Variants in N4BP2 observed in about 807,000 individuals in gnomAD.
The protein encoded by N4BP2 is NEDD4 binding protein 2, also known as NEDD4-binding protein 2.
In N4BP2, 91 loss-of-function variants were observed where a neutral mutation model predicts 152.8. That is an observed-to-expected ratio of 0.60 (90% confidence interval 0.50 to 0.71). The LOEUF is 0.71. Among genes scored for constraint, N4BP2 ranks in the 30% least tolerant of loss-of-function variants. N4BP2 has a pLI of 0.00. For missense variants in N4BP2, 1,923 were observed against 2,059.1 expected (o/e 0.93, Z 1.28); for synonymous variants, 646 against 705.3 (o/e 0.92, Z 1.33).
chr4:40,182,177 A>G, the N4BP2 span, among the ~76,000 whole-genome samples: 1 of 152,236 alleles, frequency 6.6e-6, no homozygotes, highest in African/African-American at 2.4e-5. Flanking sequence ...AGTCTCTAAC[A>G]CAACTAACAG....
chr4:40,188,381 T>C, the N4BP2 span, among the ~76,000 whole-genome samples: 1 of 152,164 alleles, frequency 6.6e-6, no homozygotes, highest in African/African-American at 2.4e-5. Context: ...GTTTCCTCCT[T>C]TGCAAATGGA....
chr4:40,165,851 C>G, the N4BP2 span, among the ~76,000 whole-genome samples: 6 of 152,158 alleles, frequency 3.9e-5, no homozygotes, highest in African/African-American at 1.4e-4. Context: ...CATATTCTTT[C>G]TGTCTTCCAT....
chr4:40,108,901 C>T (rs1264179037), intron 5 of N4BP2, among the ~76,000 whole-genome samples: 2 of 151,060 alleles, frequency 1.3e-5, no homozygotes, highest in Admixed American at 6.6e-5. Context: ...ACTGCAATGT[C>T]TGCCTCCCGG....
intron 7 of N4BP2, among the ~76,000 whole-genome samples, chr4:40,114,534 C>T (rs1349807903): frequency 2.0e-5 from 3 of 152,158 alleles, no homozygotes; most frequent in Non-Finnish European, 2.9e-5. Context: ...TAAGGCTCAT[C>T]CATGTTGTAG....
At chr4:40,081,465 G>C (rs1713361043) in intron 2 of N4BP2, among the ~76,000 whole-genome samples, 1 of 151,984 alleles carries the variant, frequency 6.6e-6, no homozygotes, top group African/African-American at 2.4e-5. Context: ...GACCAACATG[G>C]TAAAACCCTG....
At position 40,106,934 on chromosome 4, in the gene N4BP2, C is replaced by T. The variant is rs1378054915; in HGVS notation, c.1408C>T (p.Leu470Phe). ...AGAGGATAATCCAAGTGGAGTCATT[C>T]TTAGTACTGATGATTATTTTTATAT... ...LQEDNPSGVI[L>F]STDDYFYING... is the part of the protein sequence containing the mutation. Residue 470 changes from leucine to phenylalanine, a missense_variant, in exon 5 of 18, where the codon CTT becomes TTT. Transcript: ENST00000261435. 1.9e-6 allele frequency: 3 copies of T among 1,611,576 alleles called. No individual in the cohort carries two copies. In the African/African-American group the frequency reaches 4.0e-5, roughly 22 times the overall value.
chr4:40,127,212 T>G (rs1718490548), intron 12 of N4BP2, among the ~76,000 whole-genome samples: 1 of 151,900 alleles, frequency 6.6e-6, no homozygotes, highest in Non-Finnish European at 1.5e-5. Flanking sequence ...TCTTCTTTTT[T>G]TCTTTTTTTT....
In N4BP2 at chr4:40,130,221, G is replaced by T. The variant is rs530770177; in HGVS notation, c.4528-1580G>T. Among the ~76,000 whole-genome samples the T allele has an allele frequency of 3.1e-4, 47 of 151,836 alleles. No individual in the cohort carries two copies. The South Asian group carries it at 8.7e-3, about 28-fold the overall frequency. ...TAAAATATATTTTTAGTATAGATGG[G>T]GTTTTGCCATGTTGCCCAGGCTGGT... On this transcript the variant is annotated intron_variant, in intron 12 of 17. Coordinates refer to ENST00000261435, the MANE Select transcript of N4BP2 (RefSeq NM_018177.6).
intron 1 of N4BP2, among the ~76,000 whole-genome samples, chr4:40,059,070 C>T (rs1163540181): frequency 6.6e-6 from 1 of 152,100 alleles, no homozygotes; most frequent in Non-Finnish European, 1.5e-5. Flanking sequence ...ATCCAACTGC[C>T]TCCGCCTCCC....
At chr4:40,149,973 T>C (rs1458000057) in intron 16 of N4BP2, among the ~76,000 whole-genome samples, 4 of 151,546 alleles carry the variant, frequency 2.6e-5, no homozygotes, top group African/African-American at 7.3e-5. Flanking sequence ...TTGGTCAAGA[T>C]CCAAGATGCA....
At chr4:40,127,432 C>G (rs983460501) in intron 12 of N4BP2, among the ~76,000 whole-genome samples, 1 of 151,980 alleles carries the variant, frequency 6.6e-6, no homozygotes, top group Non-Finnish European at 1.5e-5. Flanking sequence ...CCAAGCTGGT[C>G]TTACACTCCT....
chr4:40,159,152 C>T (rs1258609150), downstream of N4BP2, among the ~76,000 whole-genome samples: 1 of 152,202 alleles, frequency 6.6e-6, no homozygotes, highest in African/African-American at 2.4e-5. Flanking sequence ...ACTTGAACCA[C>T]ATTCTCTGAC....
downstream of N4BP2, among the ~76,000 whole-genome samples, chr4:40,160,791 C>T (rs116762378): frequency 0.016 from 2,398 of 152,266 alleles, 67 homozygotes; most frequent in African/African-American, 0.055. Flanking sequence ...GGTCAGAAAT[C>T]TAAGTGAGAA....
At chr4:40,152,647 T>C (rs1721244085) in intron 16 of N4BP2, 133 bp from the exon 17 acceptor site, 1 of 831,090 alleles carries the variant, frequency 1.2e-6, no homozygotes, top group Non-Finnish European at 1.9e-6. Context: ...TGTCTTACTA[T>C]TACAGTTTTG....
At chr4:40,146,634 A>C (rs963494209) in intron 16 of N4BP2, among the ~76,000 whole-genome samples, 2 of 152,244 alleles carry the variant, frequency 1.3e-5, no homozygotes, top group African/African-American at 4.8e-5. Context: ...GTACTTTAGC[A>C]CATACATCAC....
At chr4:40,109,246 C>G (rs1716629708) in intron 5 of N4BP2, among the ~76,000 whole-genome samples, 1 of 152,124 alleles carries the variant, frequency 6.6e-6, no homozygotes, top group African/African-American at 2.4e-5. Flanking sequence ...GCCAACATAA[C>G]TAAAACCAAA....
At chr4:40,165,768 G>A in the N4BP2 span, among the ~76,000 whole-genome samples, 1 of 152,176 alleles carries the variant, frequency 6.6e-6, no homozygotes, top group South Asian at 2.1e-4. Flanking sequence ...ATGTTCAGAA[G>A]TCAGTATTCC....
At chr4:40,100,982 A>T (rs1455064068) in intron 3 of N4BP2, among the ~76,000 whole-genome samples, 1 of 152,154 alleles carries the variant, frequency 6.6e-6, no homozygotes, top group Non-Finnish European at 1.5e-5. Context: ...AATTTCACCC[A>T]ATCGACCTCC....
intron 4 of N4BP2, among the ~76,000 whole-genome samples, chr4:40,104,081 C>T (rs1560596895): frequency 6.6e-6 from 1 of 151,756 alleles, no homozygotes; most frequent in African/African-American, 2.4e-5. Context: ...GCCTCCCGAG[C>T]AGCTGGGACT....
Sources: gnomAD v4.1 joint callset for allele counts (sites outside exome capture counted in the v4.1 genomes callset) on GRCh38, gnomAD v4.1.1 for gene constraint, MANE v1.5 for transcripts, NCBI Gene and HGNC (gene_info 2026-07-23, HGNC 2026-07-21) for gene names.